AMPD3: variants seen among roughly 807,000 people sequenced by gnomAD.
AMPD3 encodes AMP deaminase 3.
A neutral mutation model predicts 82.3 loss-of-function variants in AMPD3; 57 were observed. The observed-to-expected ratio is 0.69, with a 90% confidence interval of 0.56 to 0.86. AMPD3 has a LOEUF of 0.86. Ranked by LOEUF, AMPD3 falls within the 40% of genes least tolerant of loss-of-function variation. The pLI is 0.00. For missense variants in AMPD3, 870 were observed against 1,003.8 expected (o/e 0.87, Z 1.80); for synonymous variants, 381 against 394.7 (o/e 0.97, Z 0.41).
At chr11:10,484,699 G>A in intron 4 of AMPD3, 121 bp from the exon 5 acceptor site, 1 of 1,297,966 alleles carries the variant, frequency 7.7e-7, no homozygotes, top group East Asian at 2.4e-5. Context: ...CATATGAGAT[G>A]CGGGGCCGGC....
chr11:10,450,934 C>A, upstream of AMPD3: 1 of 1,298,966 alleles, frequency 7.7e-7, no homozygotes, highest in Non-Finnish European at 9.8e-7. Context: ...CTGGCCCCGG[C>A]TGGCCTCAGT....
At chr11:10,470,208 G>T (rs1443051515) in intron 2 of AMPD3, among the ~76,000 whole-genome samples, 1 of 152,086 alleles carries the variant, frequency 6.6e-6, no homozygotes, top group African/African-American at 2.4e-5. Flanking sequence ...AACCAATGAC[G>T]AAAACCACAT....
Position 10,473,275 on chromosome 11 carries a change from A to C in AMPD3, c.222-5251A>C, listed in dbSNP as rs191690943. 632 of 712,674 alleles carry C rather than the reference A, an allele frequency of 8.9e-4. 1 individual carries two copies. The African/African-American group carries it at 9.7e-3, about 11-fold the overall frequency. 44.1% of individuals were successfully genotyped at this position (712,674 alleles called of 1,614,324 possible). A position where few individuals can be genotyped will look rare whatever the true frequency, so the allele number is the denominator to read the frequency against. Reference sequence around the variant, plus strand: ...GCAGAGCAAGACCCTGTGTCAAAAAAAAGTAAAAATAAAAATAAAGTTAGG... The same window carrying C: ...GCAGAGCAAGACCCTGTGTCAAAAACAAGTAAAAATAAAAATAAAGTTAGG... On this transcript the variant is annotated intron_variant, in intron 2 of 14. Coordinates refer to ENST00000396553, the MANE Select transcript of AMPD3 (RefSeq NM_001025389.2).
intron 2 of AMPD3, among the ~76,000 whole-genome samples, chr11:10,472,285 G>T (rs937959283): frequency 1.3e-5 from 2 of 151,928 alleles, no homozygotes. Context: ...ACACACTGGG[G>T]CCTGTTGGGG....
At chr11:10,457,375 T>G (rs1848128054) in intron 1 of AMPD3, among the ~76,000 whole-genome samples, 1 of 152,128 alleles carries the variant, frequency 6.6e-6, no homozygotes, top group Non-Finnish European at 1.5e-5. Context: ...TGTATGTTAA[T>G]GTTACTCTAT....
At chr11:10,471,930 A>G (rs1394217456) in intron 2 of AMPD3, among the ~76,000 whole-genome samples, 1 of 152,258 alleles carries the variant, frequency 6.6e-6, no homozygotes, top group Non-Finnish European at 1.5e-5. Context: ...CATTTGACCC[A>G]GCAATCCCAT....
At chr11:10,497,541 G>C (rs10840429) in intron 10 of AMPD3, 338,350 of 981,938 alleles carry the variant, frequency 0.34, 60,092 homozygotes, top group Non-Finnish European at 0.36. Flanking sequence ...CCAGTGCCTG[G>C]TGATGGATGA....
rs1313099178 is a variant in AMPD3, at chr11:10,456,275, G to A, written c.-6+827G>A. The A allele has an allele frequency of 3.2e-5, 50 of 1,573,000 alleles. No individual in the cohort carries two copies. Among genetic ancestry groups the A allele is most frequent in the Non-Finnish European group, 3.7e-5 (43 of 1,156,918 alleles). ...AAAACAGAGACCTCCTACTCCAGCC[G>A]GCAGACAGGACCCAGCCAGCTGCAC... On this transcript the variant is annotated intron_variant, in intron 1 of 14. Coordinates refer to ENST00000396553, the MANE Select transcript of AMPD3 (RefSeq NM_001025389.2). The surrounding 1 kb of genome is among the most constrained non-coding windows in gnomAD (Gnocchi z 4.3).
intron 6 of AMPD3, among the ~76,000 whole-genome samples, chr11:10,488,856 C>T (rs1293374713): frequency 1.3e-5 from 2 of 152,114 alleles, no homozygotes; most frequent in East Asian, 1.9e-4. Context: ...GGATGTGGCT[C>T]CTCTGGGAAA....
intron 2 of AMPD3, 48 bp from the exon 3 acceptor site, chr11:10,478,478 C>A: frequency 6.2e-7 from 1 of 1,608,420 alleles, no homozygotes; most frequent in South Asian, 1.1e-5. Context: ...ATCACTCACC[C>A]CAATTAGCTT....
At position 10,506,688 on chromosome 11, in the gene AMPD3, A is replaced by G. The variant is rs1849722184; in HGVS notation, c.*804A>G. The stretch of plus-strand genomic sequence containing the variant: ...TTTCATTTGAACGAAGAACTTCAAA[A>G]AGCACAGGACTAGATGATCTCTGTT... On this transcript the variant is annotated 3_prime_UTR_variant, in exon 15 of 15. Transcript: ENST00000396553. This position sits in a 1 kb window ranked among gnomAD's most constrained non-coding sequence, Gnocchi z 4.1. 1 of 152,598 alleles carries G rather than the reference A, an allele frequency of 6.6e-6. No individual in the cohort carries two copies. 9.5% of individuals were successfully genotyped at this position (152,598 alleles called of 1,614,324 possible).
intron 2 of AMPD3, among the ~76,000 whole-genome samples, chr11:10,465,544 G>A (rs1189578936): frequency 1.3e-5 from 2 of 152,240 alleles, no homozygotes; most frequent in Non-Finnish European, 2.9e-5. Context: ...TAGTTGGACA[G>A]CGGGTGCAGC....
chr11:10,487,339 A>G lies in AMPD3; in HGVS notation c.914A>G (p.His305Arg). Residue 305 changes from histidine (H) to arginine (R), a missense_variant, in exon 6 of 15, where the codon CAC becomes CGC. Transcript: ENST00000396553. The stretch of plus-strand genomic sequence containing the variant: ...TTCAAAGAGTTGAAGAGTAACCCCC[A>G]CCGGGACTTCTATAACGTGAGAAAG... ...SEFKELKSNP[H>R]RDFYNVRKVD... 6.2e-7 allele frequency: 1 copy of G among 1,614,004 alleles called. No homozygotes were observed. The highest frequency in any genetic ancestry group is 2.2e-5 in the East Asian group (1 of 44,864).
At chr11:10,458,487 C>G (rs914303605) in intron 1 of AMPD3, among the ~76,000 whole-genome samples, 2 of 152,162 alleles carry the variant, frequency 1.3e-5, no homozygotes, top group Non-Finnish European at 2.9e-5. Context: ...AAAATATCCT[C>G]TCACACACAG....
chr11:10,487,906 C>T (rs1041186605), intron 6 of AMPD3, among the ~76,000 whole-genome samples: 5 of 152,058 alleles, frequency 3.3e-5, no homozygotes, highest in Non-Finnish European at 5.9e-5. Context: ...CAGCAAACCA[C>T]CATGGCACAC....
In AMPD3 at chr11:10,456,187, T is replaced by A. The variant is rs1848087534; in HGVS notation, c.-6+739T>A. Reference sequence around the variant, plus strand: ...GGAAATTTTCCACTCATATTTCATATTCACGAGAGAATTTCCAGCCCAGGC... The same window carrying A: ...GGAAATTTTCCACTCATATTTCATAATCACGAGAGAATTTCCAGCCCAGGC... On this transcript the variant is annotated intron_variant, in intron 1 of 14. Coordinates refer to ENST00000396553, the MANE Select transcript of AMPD3 (RefSeq NM_001025389.2). This position sits in a 1 kb window ranked among gnomAD's most constrained non-coding sequence, Gnocchi z 4.3. 1.4e-6 allele frequency: 2 copies of A among 1,416,270 alleles called. No homozygotes were observed. The highest frequency in any genetic ancestry group is 5.1e-5 in the East Asian group (2 of 39,078). 87.7% of individuals were successfully genotyped at this position (1,416,270 alleles called of 1,614,324 possible).
chr11:10,503,904 C>T, intron 13 of AMPD3: 1 of 976,798 alleles, frequency 1.0e-6, no homozygotes, highest in Non-Finnish European at 1.2e-6. Context: ...TTGACCTGTA[C>T]TTCGAGAACT....
At position 10,456,773 on chromosome 11, in the gene AMPD3, G is replaced by A. The variant is rs756649137; in HGVS notation, c.-6+1325G>A. ...CTGCAGAGTGAGCTTTCCTTGTCAG[G>A]CCTGGCCTGGCAGGTGTCTGGAGGG... On this transcript the variant is annotated intron_variant, in intron 1 of 14. Coordinates refer to ENST00000396553, the MANE Select transcript of AMPD3 (RefSeq NM_001025389.2). This position sits in a 1 kb window ranked among gnomAD's most constrained non-coding sequence, Gnocchi z 4.3. Among the ~76,000 whole-genome samples, 14 of 152,146 alleles carry A rather than the reference G, an allele frequency of 9.2e-5. No individual in the cohort carries two copies. The highest frequency in any genetic ancestry group is 1.6e-4 in the Non-Finnish European group (11 of 68,024).
chr11:10,464,153 T>C (rs1848350404), intron 2 of AMPD3, among the ~76,000 whole-genome samples: 1 of 152,214 alleles, frequency 6.6e-6, no homozygotes, highest in Non-Finnish European at 1.5e-5. Flanking sequence ...TGTCTGGTTA[T>C]AGTGCATCCC....
Sources: gnomAD v4.1 joint callset for allele counts (sites outside exome capture counted in the v4.1 genomes callset) on GRCh38, gnomAD v4.1.1 for gene constraint, Gnocchi (gnomAD v3.1) non-coding constraint, MANE v1.5 for transcripts, NCBI Gene and HGNC (gene_info 2026-07-23, HGNC 2026-07-21) for gene names.